RAB22A: variants seen among roughly 807,000 people sequenced by gnomAD.
RAB22A encodes RAB22A, member RAS oncogene family, also known as ras-related protein Rab-22A.
In RAB22A, 13 loss-of-function variants were observed where a neutral mutation model predicts 30.2. That is an observed-to-expected ratio of 0.43 (90% CI 0.28 to 0.68). The LOEUF is 0.68. RAB22A is among the 30% of genes least tolerant of loss of function. The probability of loss-of-function intolerance (pLI) is 0.18; values close to 1 mark genes in which losing one functional copy is unlikely to be tolerated. For missense variants in RAB22A, 177 were observed against 246.8 expected (o/e 0.72, Z 1.89); for synonymous variants, 89 against 87.2 (o/e 1.02, Z -0.11).
At chr20:58,314,419 A>G (rs947616684) in intron 2 of RAB22A, among the ~76,000 whole-genome samples, 1 of 152,232 alleles carries the variant, frequency 6.6e-6, no homozygotes, top group Admixed American at 6.5e-5. Flanking sequence ...ATGCAGTACT[A>G]TGAAAACATG....
At chr20:58,334,194 G>A (rs1986706273) in intron 2 of RAB22A, among the ~76,000 whole-genome samples, 1 of 152,088 alleles carries the variant, frequency 6.6e-6, no homozygotes, top group Non-Finnish European at 1.5e-5. Context: ...CATTAGCTGG[G>A]TGTGGTGGCG....
chr20:58,356,905 C>T (rs1161898299), intron 6 of RAB22A, among the ~76,000 whole-genome samples: 1 of 152,082 alleles, frequency 6.6e-6, no homozygotes, highest in Admixed American at 6.5e-5. Context: ...ATATAATTAT[C>T]CATTCTGCTG....
At chr20:58,351,497 G>A (rs1987048726) in intron 3 of RAB22A, among the ~76,000 whole-genome samples, 1 of 151,960 alleles carries the variant, frequency 6.6e-6, no homozygotes, top group Non-Finnish European at 1.5e-5. Flanking sequence ...AAAGAACGGA[G>A]GAGCAGGAAT....
chr20:58,326,056 A>C (rs1393400530), intron 2 of RAB22A, among the ~76,000 whole-genome samples: 1 of 152,264 alleles, frequency 6.6e-6, no homozygotes, highest in Non-Finnish European at 1.5e-5. Context: ...CTGATAAAGC[A>C]AACCTTGTAA....
At chr20:58,339,267 C>T (rs1986816286) in intron 2 of RAB22A, among the ~76,000 whole-genome samples, 1 of 152,108 alleles carries the variant, frequency 6.6e-6, no homozygotes, top group African/African-American at 2.4e-5. Context: ...AGATTAAAGA[C>T]ATAATAAGAT....
At chr20:58,347,212 C>G (rs1986965000) in intron 3 of RAB22A, among the ~76,000 whole-genome samples, 1 of 152,202 alleles carries the variant, frequency 6.6e-6, no homozygotes, top group African/African-American at 2.4e-5. Context: ...CATTTGACAT[C>G]TTGTACTGCA....
At chr20:58,341,623 A>G (rs909970131) in intron 2 of RAB22A, among the ~76,000 whole-genome samples, 1 of 152,216 alleles carries the variant, frequency 6.6e-6, no homozygotes, top group Non-Finnish European at 1.5e-5. Flanking sequence ...AGGGTGGTCC[A>G]GGGTCAGACA....
intron 2 of RAB22A, among the ~76,000 whole-genome samples, chr20:58,313,238 T>C (rs577621174): frequency 6.6e-5 from 10 of 152,326 alleles, no homozygotes; most frequent in African/African-American, 2.4e-4. Flanking sequence ...GAGCTGCCTC[T>C]AGTCCACTCT....
At chr20:58,343,632 T>C (rs567519907) in intron 2 of RAB22A, 86 bp from the exon 3 acceptor site, 3 of 994,572 alleles carry the variant, frequency 3.0e-6, no homozygotes, top group Non-Finnish European at 4.7e-6. Flanking sequence ...GACTGAGCGT[T>C]GGTTGAGTCT....
intron 3 of RAB22A, among the ~76,000 whole-genome samples, chr20:58,348,770 C>A (rs893509800): frequency 6.0e-5 from 9 of 149,352 alleles, no homozygotes; most frequent in African/African-American, 2.3e-4. Context: ...ATATAAAATA[C>A]ACCAACGATA....
chr20:58,351,335 CA>C (rs562839081), intron 3 of RAB22A, among the ~76,000 whole-genome samples: 1,589 of 97,532 alleles, frequency 0.016, 18 homozygotes, highest in African/African-American at 0.049. Context: ...GACTCTGTCT[CA>C]AAAAAAAAAA....
chr20:58,326,855 C>A (rs1986578038), intron 2 of RAB22A, among the ~76,000 whole-genome samples: 1 of 152,138 alleles, frequency 6.6e-6, no homozygotes, highest in African/African-American at 2.4e-5. Context: ...TGTTACCATA[C>A]TGAATAAGTG....
rs1376675630 is a variant in RAB22A, at chr20:58,364,721, T to G, written c.*5018T>G. 3.3e-5 allele frequency: 5 copies of G among 151,506 alleles called. No homozygotes were observed. In the East Asian group the frequency reaches 9.6e-4, roughly 29 times the overall value. The allele number at this position is 151,506 out of a possible 1,614,324, so 9.4% of individuals were successfully genotyped here. ...CCAATTAAAAGCCGTAAGATAGTAA[T>G]GATTTTTTTTCTTTTTTTTTTTTTT... On this transcript the variant is annotated 3_prime_UTR_variant, in exon 7 of 7. Transcript: ENST00000244040.
intron 2 of RAB22A, among the ~76,000 whole-genome samples, chr20:58,315,369 G>A (rs558351674): frequency 4.6e-5 from 7 of 152,232 alleles, no homozygotes; most frequent in East Asian, 1.9e-4. Context: ...ACAGAACTCC[G>A]TCTTTGTTCC....
intron 2 of RAB22A, among the ~76,000 whole-genome samples, chr20:58,337,978 C>A (rs1016271186): frequency 3.9e-5 from 6 of 152,038 alleles, no homozygotes; most frequent in Non-Finnish European, 8.8e-5. Context: ...TTATTATTGA[C>A]AAGTTTAGGA....
chr20:58,347,236 G>A (rs1016419351), intron 3 of RAB22A, among the ~76,000 whole-genome samples: 4 of 152,198 alleles, frequency 2.6e-5, no homozygotes, highest in Non-Finnish European at 5.9e-5. Flanking sequence ...AGTTTTGACA[G>A]ATGGATTGTC....
chr20:58,324,931 T>C (rs1239984408), intron 2 of RAB22A, among the ~76,000 whole-genome samples: 1 of 114,970 alleles, frequency 8.7e-6, no homozygotes, highest in Non-Finnish European at 1.7e-5. Context: ...ATCCCAGCAC[T>C]TTGGGAGGCC....
intron 2 of RAB22A, among the ~76,000 whole-genome samples, chr20:58,337,340 C>T (rs1011436553): frequency 2.0e-5 from 3 of 152,144 alleles, no homozygotes; most frequent in African/African-American, 7.2e-5. Flanking sequence ...ATGTTCAGAT[C>T]ACCTTCTCTT....
Position 58,354,167 on chromosome 20 carries a change from A to G in RAB22A, c.389A>G (p.Glu130Gly). The change falls in exon 6 of 7, where the codon GAG becomes GGG. Residue 130 changes from glutamate to glycine, a missense_variant. By Grantham distance (98) the Glu-to-Gly change is moderately conservative. Coordinates refer to ENST00000244040, the MANE Select transcript of RAB22A (RefSeq NM_020673.3). ...CDLIDVREVMERDAKDYADSI... is the reference protein window; with the variant it reads ...CDLIDVREVMGRDAKDYADSI... ...TTGTTGCCTTCCAGAGAAGTCATGG[A>G]GAGAGATGCAAAGGACTACGCCGAC... is the stretch of plus-strand genomic sequence containing the variant. The G allele has an allele frequency of 1.9e-6, 3 of 1,612,622 alleles. No homozygotes were observed. The highest frequency in any genetic ancestry group is 2.5e-6 in the Non-Finnish European group (3 of 1,179,018).
Sources: allele counts gnomAD v4.1 joint callset (sites outside exome capture counted in the v4.1 genomes callset), GRCh38; gene constraint gnomAD v4.1.1; transcripts MANE v1.5; gene names NCBI Gene and HGNC (gene_info 2026-07-23, HGNC 2026-07-21).